Variants in ZMYND8 observed in about 807,000 individuals in gnomAD.
ZMYND8 encodes MYND-type zinc finger-containing chromatin reader ZMYND8.
ZMYND8 carries 37 observed loss-of-function variants against 140.8 expected under a neutral mutation model. The ratio of observed to expected loss-of-function variants is 0.26; its 90% confidence interval spans 0.20 to 0.35. The LOEUF (loss-of-function observed/expected upper bound fraction) is 0.35, where lower values mean the gene tolerates loss of function less well. Ranked by LOEUF, ZMYND8 falls within the 10% of genes least tolerant of loss-of-function variation. ZMYND8 has a pLI of 1.00. For synonymous variants in ZMYND8, 592 were observed against 597.1 expected (o/e 0.99, Z 0.12); for missense variants, 1,068 against 1,570.0 (o/e 0.68, Z 5.40).
At chr20:47,307,991 G>A (rs532666719) in intron 3 of ZMYND8, among the ~76,000 whole-genome samples, 14 of 151,034 alleles carry the variant, frequency 9.3e-5, no homozygotes, top group Middle Eastern at 6.8e-3. Flanking sequence ...AGCGGCGGGC[G>A]CCTGTAATCC....
At chr20:47,212,443 C>T (rs184333589) in intron 22 of ZMYND8, among the ~76,000 whole-genome samples, 199 bp downstream of exon 22, 15 of 152,284 alleles carry the variant, frequency 9.9e-5, no homozygotes, top group African/African-American at 3.4e-4. Context: ...GCCACATGCT[C>T]GCTCTCATTT....
At chr20:47,218,539 C>T (rs2036457942) in intron 21 of ZMYND8, among the ~76,000 whole-genome samples, 1 of 152,086 alleles carries the variant, frequency 6.6e-6, no homozygotes. Context: ...AAGGGCAACT[C>T]CAAAAATGAA....
rs1344204122 is a variant in ZMYND8, at chr20:47,210,241, T to TACAG, written c.*516_*519dup. ...AAACTCCCGATCCCAACATGCTGCGTACAGACACACGAGCGAAAACGGTTC... is the reference window on the plus strand; with the variant it reads ...AAACTCCCGATCCCAACATGCTGCGTACAGACAGACACACGAGCGAAAACGGTTC... On this transcript the variant is annotated 3_prime_UTR_variant, in exon 23 of 23. Transcript: ENST00000471951. 1 of 156,022 alleles carries TACAG rather than the reference T, an allele frequency of 6.4e-6. No homozygotes were observed. Among genetic ancestry groups the TACAG allele is most frequent in the Non-Finnish European group, 1.4e-5 (1 of 70,236 alleles). 9.7% of individuals were successfully genotyped at this position (156,022 alleles called of 1,614,324 possible).
Position 47,238,740 on chromosome 20 carries a change from G to C in ZMYND8, c.2665+18C>G. On this transcript the variant is annotated intron_variant, in intron 15 of 22. Transcript: ENST00000471951. ...ATGGGAGCGGGCGCCACGGAGAACA[G>C]AAGGGGAGGCTCGGTACCTTTCACA... The C allele has an allele frequency of 1.2e-6, 2 of 1,602,476 alleles. No homozygotes were observed. The highest frequency in any genetic ancestry group is 1.1e-5 in the South Asian group (1 of 89,942).
At chr20:47,260,710 T>C (rs1390097529) in intron 12 of ZMYND8, among the ~76,000 whole-genome samples, 1 of 152,210 alleles carries the variant, frequency 6.6e-6, no homozygotes, top group East Asian at 1.9e-4. Flanking sequence ...ACATCCATCA[T>C]GGTGTGAACT....
intron 18 of ZMYND8, among the ~76,000 whole-genome samples, chr20:47,225,942 G>A (rs545913408): frequency 6.6e-6 from 1 of 152,126 alleles, no homozygotes; most frequent in East Asian, 1.9e-4. Context: ...CTTGAGGCCA[G>A]GAGTTTGAGA....
At chr20:47,259,811 G>A (rs2075023117) in intron 12 of ZMYND8, among the ~76,000 whole-genome samples, 1 of 152,048 alleles carries the variant, frequency 6.6e-6, no homozygotes, top group South Asian at 2.1e-4. Context: ...GCGCAACTCT[G>A]GCCACCAATC....
chr20:47,257,349 TAC>T (rs2074814624), intron 12 of ZMYND8, among the ~76,000 whole-genome samples: 2 of 151,860 alleles, frequency 1.3e-5, no homozygotes, highest in Admixed American at 6.6e-5. Flanking sequence ...ACTCACCATA[TAC>T]ACACATACAT....
intron 3 of ZMYND8, among the ~76,000 whole-genome samples, chr20:47,304,539 TG>T (rs2078330480): frequency 6.6e-6 from 1 of 152,324 alleles, no homozygotes; most frequent in South Asian, 2.1e-4. Flanking sequence ...AACCAGAGTA[TG>T]GGTGCTCTGG....
At chr20:47,270,692 T>C (rs1259445793) in intron 11 of ZMYND8, among the ~76,000 whole-genome samples, 23 of 99,324 alleles carry the variant, frequency 2.3e-4, no homozygotes, top group Non-Finnish European at 3.9e-4. Context: ...GAGGACCCTG[T>C]CTCTGAAAAA....
At chr20:47,268,321 T>G (rs1601449027) in intron 11 of ZMYND8, among the ~76,000 whole-genome samples, 1 of 126,942 alleles carries the variant, frequency 7.9e-6, no homozygotes. Flanking sequence ...CAGAAGGGAG[T>G]CTCGCTCTGT....
intron 11 of ZMYND8, among the ~76,000 whole-genome samples, chr20:47,272,947 C>T (rs994768035): frequency 6.6e-6 from 1 of 152,216 alleles, no homozygotes; most frequent in Admixed American, 6.5e-5. Flanking sequence ...AATTTCCCAT[C>T]TCCCTCCACT....
chr20:47,355,097 C>T (rs2083111556), intron 1 of ZMYND8, among the ~76,000 whole-genome samples: 1 of 152,146 alleles, frequency 6.6e-6, no homozygotes, highest in Non-Finnish European at 1.5e-5. Context: ...GGCTCTGCAC[C>T]TCTAAGAACA....
Position 47,221,440 on chromosome 20 carries a change from C to T in ZMYND8, c.3291G>A (p.Val1097=). The change falls in exon 20 of 23, where the codon GTG becomes GTA. Residue 1097 remains valine (V), a synonymous_variant. Coordinates refer to ENST00000471951, the MANE Select transcript of ZMYND8 (RefSeq NM_001281775.3). The part of the protein sequence containing the change: ...TAPQQEADAE[V]NTETLNKSSQ... Reference sequence around the variant, plus strand: ...AGGACTTATTTAGTGTTTCTGTGTTCACCTCAGCATCCGCTTCCTGCTGAG... The same window carrying T: ...AGGACTTATTTAGTGTTTCTGTGTTTACCTCAGCATCCGCTTCCTGCTGAG... 1 of 1,614,130 alleles carries T rather than the reference C, an allele frequency of 6.2e-7. No individual in the cohort carries two copies. The highest frequency in any genetic ancestry group is 1.7e-4 in the Middle Eastern group (1 of 6,056).
intron 12 of ZMYND8, among the ~76,000 whole-genome samples, chr20:47,252,451 T>C (rs904946957): frequency 6.6e-5 from 10 of 151,994 alleles, no homozygotes; most frequent in African/African-American, 2.4e-4. Context: ...GCATGCTAGA[T>C]TCCAGAGGGA....
In ZMYND8 at chr20:47,246,041, T is replaced by C; in HGVS notation, c.2251A>G (p.Lys751Glu). Residue 751 changes from lysine to glutamate, a missense_variant, in exon 14 of 23, where the codon AAG (lysine) becomes GAG (glutamate). Physicochemically the swap from Lys to Glu is moderately conservative, Grantham distance 56 (BLOSUM62 1). Coordinates refer to ENST00000471951, the MANE Select transcript of ZMYND8 (RefSeq NM_001281775.3). ...TTGGGAGATGGTTCTTTGGGTTCCT[T>C]CTTATTTTTTCGACCCTCCCGCCCA... ...HSGREGRKNK[K>E]EPKEPSPKQD... is the part of the protein sequence containing the mutation. 6.2e-7 allele frequency: 1 copy of C among 1,605,940 alleles called. No individual in the cohort carries two copies. Among genetic ancestry groups the C allele is most frequent in the South Asian group, 1.1e-5 (1 of 89,308 alleles).
At chr20:47,302,425 C>T (rs1242854876) in intron 3 of ZMYND8, among the ~76,000 whole-genome samples, 1 of 152,136 alleles carries the variant, frequency 6.6e-6, no homozygotes, top group African/African-American at 2.4e-5. Context: ...CCACTGCACT[C>T]CAGCCTGAGC....
chr20:47,211,400 T>G (rs1321003482), intron 22 of ZMYND8, among the ~76,000 whole-genome samples: 1 of 152,040 alleles, frequency 6.6e-6, no homozygotes, highest in African/African-American at 2.4e-5. Flanking sequence ...AGGGAAAGGA[T>G]CATAAAGGAG....
At position 47,238,843 on chromosome 20, in the gene ZMYND8, C is replaced by A; in HGVS notation, c.2580G>T (p.Gln860His). The A allele has an allele frequency of 6.2e-7, 1 of 1,613,100 alleles. No homozygotes were observed. The highest frequency in any genetic ancestry group is 8.5e-7 in the Non-Finnish European group (1 of 1,179,854). The change falls in exon 15 of 23, where the codon CAG becomes CAT. Residue 860 changes from glutamine to histidine, a missense_variant. This residue lies in a region of ZMYND8 where 383 missense variants were observed against 431.2 expected (regional missense o/e 0.89). Coordinates refer to ENST00000471951, the MANE Select transcript of ZMYND8 (RefSeq NM_001281775.3). ...GGTTTTGCTGCTGCTGCTGCTGCTGCTGACGCTGCATCTTCTGCATGTGCC... is the reference window on the plus strand; with the variant it reads ...GGTTTTGCTGCTGCTGCTGCTGCTGATGACGCTGCATCTTCTGCATGTGCC... Reference protein sequence around the residue: ...QKWHMQKMQRQQQQQQQQNQQ... With the variant: ...QKWHMQKMQRHQQQQQQQNQQ...
Sources: gnomAD v4.1 joint callset for allele counts (sites outside exome capture counted in the v4.1 genomes callset) on GRCh38, gnomAD v4.1.1 for gene constraint, gnomAD v4.1.1 regional missense constraint, MANE v1.5 for transcripts, NCBI Gene and HGNC (gene_info 2026-07-23, HGNC 2026-07-21) for gene names.